The following CCDC149 variants were observed in gnomAD, a reference collection of about 807,000 sequenced individuals.
The protein encoded by CCDC149 is coiled-coil domain-containing protein 149.
Under a neutral mutation model 59.9 loss-of-function variants are expected in CCDC149, and 45 were observed. That is an observed-to-expected ratio of 0.75 (90% CI 0.59 to 0.96). The LOEUF (loss-of-function observed/expected upper bound fraction) is 0.96. Ranked by LOEUF, CCDC149 falls within the 40% of genes least tolerant of loss-of-function variation. CCDC149 has a pLI of 0.00. For missense variants in CCDC149, 584 were observed against 664.7 expected, an observed-to-expected ratio of 0.88 and a Z score of 1.33; for synonymous variants, 245 against 260.6, an observed-to-expected ratio of 0.94 and a Z score of 0.58.
At chr4:24,835,962 G>A (rs1301630916) in intron 7 of CCDC149, among the ~76,000 whole-genome samples, 1 of 152,198 alleles carries the variant, frequency 6.6e-6, no homozygotes, top group East Asian at 1.9e-4. Flanking sequence ...TAAACATTCT[G>A]TCCTTGCAGG....
chr4:24,940,252 A>T (rs1422362781), intron 1 of CCDC149, among the ~76,000 whole-genome samples: 1 of 149,994 alleles, frequency 6.7e-6, no homozygotes, highest in African/African-American at 2.5e-5. Flanking sequence ...AACATTCTTA[A>T]AGAAAAGAAT....
downstream of CCDC149, among the ~76,000 whole-genome samples, chr4:24,805,944 C>T (rs1401550554): frequency 6.6e-6 from 1 of 152,206 alleles, no homozygotes; most frequent in African/African-American, 2.4e-5. Flanking sequence ...GAATGCCTTA[C>T]TTTCGAAGTT....
chr4:24,819,737 A>C, intron 12 of CCDC149, 122 bp downstream of exon 12: 1 of 761,054 alleles, frequency 1.3e-6, no homozygotes. Flanking sequence ...AAATCTGAGG[A>C]ATGTCCCAAT....
At chr4:24,824,563 T>TAA (rs1256944270) in intron 9 of CCDC149, among the ~76,000 whole-genome samples, 8 of 152,214 alleles carry the variant, frequency 5.3e-5, no homozygotes, top group African/African-American at 1.9e-4. Context: ...CTTTTACATG[T>TAA]GGACTGTAAG....
At chr4:24,948,285 C>A (rs1723181337) in intron 1 of CCDC149, among the ~76,000 whole-genome samples, 1 of 152,058 alleles carries the variant, frequency 6.6e-6, no homozygotes, top group South Asian at 2.1e-4. Flanking sequence ...AATGGATCAA[C>A]TTGAGTCCTT....
intron 12 of CCDC149, among the ~76,000 whole-genome samples, chr4:24,815,445 T>C (rs1301204839): frequency 6.6e-6 from 1 of 152,188 alleles, no homozygotes; most frequent in East Asian, 1.9e-4. Context: ...GGAGGCTTTA[T>C]TTAAAAGGAG....
At chr4:24,890,200 A>C (rs1720447820) in intron 1 of CCDC149, among the ~76,000 whole-genome samples, 1 of 152,168 alleles carries the variant, frequency 6.6e-6, no homozygotes, top group South Asian at 2.1e-4. Context: ...TCTTTTCTAT[A>C]ATGATATGAA....
chr4:24,908,204 T>C (rs1037180937), intron 1 of CCDC149, among the ~76,000 whole-genome samples: 1 of 152,144 alleles, frequency 6.6e-6, no homozygotes, highest in Admixed American at 6.5e-5. Flanking sequence ...ACCTACAACA[T>C]CAGCCAGTAA....
chr4:24,854,168 T>C (rs1717856794), intron 3 of CCDC149, among the ~76,000 whole-genome samples: 2 of 152,214 alleles, frequency 1.3e-5, no homozygotes, highest in African/African-American at 4.8e-5. Flanking sequence ...GCCGCCCATC[T>C]AGCTACCTAT....
chr4:24,834,938 G>A lies in CCDC149; in HGVS notation c.820+10C>T, dbSNP rs1292583464. ...TCATGAGCGGTCTCTCCTGGAGCAT[G>A]ATATCCTACCTTGCTTTGCAGACAG... On this transcript the variant is annotated intron_variant, in intron 8 of 12. Coordinates refer to ENST00000635206, the MANE Select transcript of CCDC149 (RefSeq NM_001330643.2). The A allele has an allele frequency of 1.9e-6, 3 of 1,604,486 alleles. No individual in the cohort carries two copies. The highest frequency in any genetic ancestry group is 2.6e-6 in the Non-Finnish European group (3 of 1,171,856).
At chr4:24,906,515 C>T (rs1435143310) in intron 1 of CCDC149, among the ~76,000 whole-genome samples, 2 of 151,798 alleles carry the variant, frequency 1.3e-5, no homozygotes, top group Non-Finnish European at 2.9e-5. Flanking sequence ...AATTCTGTCT[C>T]GGCCTCCCGA....
intron 9 of CCDC149, 46 bp from the exon 10 acceptor site, chr4:24,822,619 C>T (rs1715484284): frequency 3.6e-6 from 5 of 1,376,954 alleles, no homozygotes; most frequent in Non-Finnish European, 4.9e-6. Context: ...AGCATCCTGT[C>T]AGCCCCCAGC....
chr4:24,835,346 T>C (rs1716448750), intron 7 of CCDC149, among the ~76,000 whole-genome samples: 1 of 152,170 alleles, frequency 6.6e-6, no homozygotes, highest in Non-Finnish European at 1.5e-5. Context: ...ACATGTGAAG[T>C]CACTAGTAAT....
chr4:24,861,201 T>C (rs566539998), intron 3 of CCDC149, among the ~76,000 whole-genome samples: 21 of 151,936 alleles, frequency 1.4e-4, no homozygotes, highest in African/African-American at 4.6e-4. Flanking sequence ...TGCAAAAATA[T>C]AGAACTAGCC....
At chr4:24,917,357 A>G (rs1285636421), upstream of CCDC149, among the ~76,000 whole-genome samples, 1 of 152,200 alleles carries the variant, frequency 6.6e-6, no homozygotes, top group African/African-American at 2.4e-5. Context: ...CCGCGCTCAC[A>G]GTGGCTGAGT....
intron 1 of CCDC149, among the ~76,000 whole-genome samples, chr4:24,922,305 T>C (rs1671280524): frequency 6.6e-6 from 1 of 152,200 alleles, no homozygotes; most frequent in African/African-American, 2.4e-5. Flanking sequence ...ACATAAGTCA[T>C]CTAGAGAATG....
Position 24,837,117 on chromosome 4 carries a change from C to A in CCDC149, c.662+111G>T. On this transcript the variant is annotated intron_variant, in intron 6 of 12. Transcript: ENST00000635206. This position sits in a 1 kb window ranked among gnomAD's most constrained non-coding sequence, Gnocchi z 4.3. ...TTTCGGGGGAGTGAGTTTCTTTTCA[C>A]TTGTAAGGCAATTTTCTCCAAAATA... 1 of 1,060,142 alleles carries A rather than the reference C, an allele frequency of 9.4e-7. No individual in the cohort carries two copies. Among genetic ancestry groups the A allele is most frequent in the Non-Finnish European group, 1.3e-6 (1 of 742,028 alleles). The allele number at this position is 1,060,142 out of a possible 1,614,324, so 65.7% of individuals were successfully genotyped here. A position where few individuals can be genotyped will look rare whatever the true frequency, so the allele number is the denominator to read the frequency against.
At chr4:24,941,435 G>A (rs559044680) in intron 1 of CCDC149, among the ~76,000 whole-genome samples, 84 of 152,232 alleles carry the variant, frequency 5.5e-4, no homozygotes, top group African/African-American at 1.8e-3. Flanking sequence ...ATGCCCACAA[G>A]AGAAAGCAGG....
chr4:24,840,780 A>C (rs1006222260), intron 4 of CCDC149, among the ~76,000 whole-genome samples: 4 of 152,220 alleles, frequency 2.6e-5, no homozygotes, highest in African/African-American at 9.6e-5. Flanking sequence ...CATGAGTGAC[A>C]GTGCTGTTGA....
Sources: allele counts gnomAD v4.1 joint callset (sites outside exome capture counted in the v4.1 genomes callset), GRCh38; gene constraint gnomAD v4.1.1; non-coding constraint Gnocchi (gnomAD v3.1); transcripts MANE v1.5; gene names NCBI Gene and HGNC (gene_info 2026-07-23, HGNC 2026-07-21).